Variants in SH3PXD2B observed in about 807,000 individuals in gnomAD.
SH3PXD2B encodes the protein SH3 and PX domain-containing protein 2B.
In SH3PXD2B, 37 loss-of-function variants were observed where a neutral mutation model predicts 73.1. That is an observed-to-expected ratio of 0.51 (90% CI 0.39 to 0.67). SH3PXD2B has a LOEUF of 0.67. Among genes scored for constraint, SH3PXD2B ranks in the 30% least tolerant of loss-of-function variants. The pLI is 0.00. For missense variants in SH3PXD2B, 1,053 were observed against 1,197.8 expected, an observed-to-expected ratio of 0.88 and a Z score of 1.78; for synonymous variants, 457 against 480.5, an observed-to-expected ratio of 0.95 and a Z score of 0.64.
At chr5:172,392,563 G>C (rs752547022) in intron 4 of SH3PXD2B, among the ~76,000 whole-genome samples, 1 of 151,842 alleles carries the variant, frequency 6.6e-6, no homozygotes, top group Non-Finnish European at 1.5e-5. Context: ...CTTGAGGTCA[G>C]GAGTCTGAGA....
At position 172,338,737 on chromosome 5, in the gene SH3PXD2B, C is replaced by A; in HGVS notation, c.2368G>T (p.Ala790Ser). ...GPQCEGHESR[A>S]APTPGRALLV... ...AGAGCACGGCCTGGGGTGGGAGCTG[C>A]CCTGCTTTCGTGGCCTTCACACTGT... The change falls in exon 13 of 13, where the codon GCA (alanine) becomes TCA (serine). Residue 790 changes from alanine to serine, a missense_variant. Around this residue, in one of 2 missense-constraint regions of SH3PXD2B, gnomAD observed 587 missense variants for 590.7 expected, o/e 0.99. Coordinates refer to ENST00000311601, the MANE Select transcript of SH3PXD2B (RefSeq NM_001017995.3). The surrounding 1 kb of genome is among the most constrained non-coding windows in gnomAD (Gnocchi z 5.1). The A allele has an allele frequency of 2.5e-6, 4 of 1,614,210 alleles. No individual in the cohort carries two copies. The highest frequency in any genetic ancestry group is 3.4e-6 in the Non-Finnish European group (4 of 1,180,046).
intron 12 of SH3PXD2B, among the ~76,000 whole-genome samples, chr5:172,344,441 A>G (rs1430994461): frequency 1.3e-5 from 2 of 152,020 alleles, no homozygotes; most frequent in Non-Finnish European, 2.9e-5. Flanking sequence ...TACAAAAATC[A>G]GCCGGGCGTC....
intron 10 of SH3PXD2B, 99 bp from the exon 11 acceptor site, chr5:172,347,431 C>G (rs1757022321): frequency 8.2e-7 from 1 of 1,216,314 alleles, no homozygotes; most frequent in African/African-American, 1.5e-5. Flanking sequence ...AGATTGAACA[C>G]AGGCGTCTGC....
intron 3 of SH3PXD2B, among the ~76,000 whole-genome samples, chr5:172,405,507 G>A (rs1758532699): frequency 6.6e-6 from 1 of 152,210 alleles, no homozygotes; most frequent in African/African-American, 2.4e-5. Flanking sequence ...TGTGATGAGG[G>A]ATGTGGGAAG....
At position 172,338,799 on chromosome 5, in the gene SH3PXD2B, G is replaced by T. The variant is rs1383409923; in HGVS notation, c.2306C>A (p.Ser769Tyr). ...CTCTGGGAGCGGCCTGGATGACGAA[G>T]AGGTTTTCTTTGGGGGAGGTGGTCT... ...PRRPPPPKKT[S>Y]SSSRPLPEVR... The change falls in exon 13 of 13, where the codon TCT (serine) becomes TAT (tyrosine). Residue 769 changes from serine (S) to tyrosine (Y), a missense_variant. By Grantham distance (144) the Ser-to-Tyr change is moderately radical (BLOSUM62 -2). Around this residue, in one of 2 missense-constraint regions of SH3PXD2B, gnomAD observed 587 missense variants for 590.7 expected, o/e 0.99. Coordinates refer to ENST00000311601, the MANE Select transcript of SH3PXD2B (RefSeq NM_001017995.3). The surrounding 1 kb of genome is among the most constrained non-coding windows in gnomAD (Gnocchi z 5.1). The T allele has an allele frequency of 1.2e-6, 2 of 1,614,098 alleles. No homozygotes were observed. The highest frequency in any genetic ancestry group is 2.7e-5 in the African/African-American group (2 of 74,948).
intron 1 of SH3PXD2B, among the ~76,000 whole-genome samples, chr5:172,431,158 C>T (rs970348213): frequency 1.8e-4 from 27 of 152,230 alleles, no homozygotes; most frequent in African/African-American, 6.5e-4. Context: ...TGAGCCACCG[C>T]GCCCAGGCTG....
intron 12 of SH3PXD2B, among the ~76,000 whole-genome samples, chr5:172,342,882 A>G (rs1425997127): frequency 6.6e-6 from 1 of 152,188 alleles, no homozygotes; most frequent in Non-Finnish European, 1.5e-5. Flanking sequence ...CCACAGACTC[A>G]GCGCCAGGAC....
At chr5:172,395,814 C>T (rs928346113) in intron 3 of SH3PXD2B, among the ~76,000 whole-genome samples, 4 of 151,932 alleles carry the variant, frequency 2.6e-5, no homozygotes, top group Admixed American at 1.3e-4. Context: ...GCAGAGCAAC[C>T]GGGGGTATCT....
chr5:172,439,836 CCGA>C (rs10585130), intron 1 of SH3PXD2B, among the ~76,000 whole-genome samples: 74,923 of 151,352 alleles, frequency 0.5, 19,051 homozygotes, highest in African/African-American at 0.61. Flanking sequence ...TCCACTCTTG[CCGA>C]CGACTGAGAC....
intron 1 of SH3PXD2B, among the ~76,000 whole-genome samples, chr5:172,452,627 A>G (rs948613830): frequency 6.6e-6 from 1 of 151,956 alleles, no homozygotes; most frequent in East Asian, 1.9e-4. Context: ...AGGCCAGAAG[A>G]GGGCGCGTGG....
chr5:172,424,465 GT>G (rs1315176939), intron 1 of SH3PXD2B, among the ~76,000 whole-genome samples: 1 of 152,202 alleles, frequency 6.6e-6, no homozygotes, highest in Admixed American at 6.5e-5. Context: ...TTTCAAATGA[GT>G]TCTTAGGAGA....
At chr5:172,437,406 C>T (rs1411215767) in intron 1 of SH3PXD2B, among the ~76,000 whole-genome samples, 1 of 152,208 alleles carries the variant, frequency 6.6e-6, no homozygotes, top group Non-Finnish European at 1.5e-5. Context: ...GGCAGCATCA[C>T]CACCAGAAGT....
At chr5:172,423,794 T>C (rs1759031803) in intron 1 of SH3PXD2B, among the ~76,000 whole-genome samples, 2 of 152,242 alleles carry the variant, frequency 1.3e-5, no homozygotes, top group South Asian at 2.1e-4. Flanking sequence ...AGGCGAGCGC[T>C]ACCGTGCCCG....
chr5:172,361,532 C>T (rs2731708), intron 7 of SH3PXD2B, among the ~76,000 whole-genome samples: 58,722 of 151,974 alleles, frequency 0.39, 11,760 homozygotes, highest in East Asian at 0.65. Context: ...TGACTTCCTG[C>T]AAGCTGGGGG....
intron 2 of SH3PXD2B, among the ~76,000 whole-genome samples, chr5:172,415,427 G>A (rs561805010): frequency 7.9e-5 from 12 of 152,270 alleles, no homozygotes; most frequent in South Asian, 2.1e-4. Context: ...AGGCAATCCC[G>A]GGGCCCAAGG....
At position 172,346,269 on chromosome 5, in the gene SH3PXD2B, GATC is replaced by G; in HGVS notation, c.1063-11_1063-9del. 1 of 1,613,504 alleles carries G rather than the reference GATC, an allele frequency of 6.2e-7. No homozygotes were observed. The highest frequency in any genetic ancestry group is 8.5e-7 in the Non-Finnish European group (1 of 1,179,914). On this transcript the variant is annotated splice_polypyrimidine_tract_variant and intron_variant, in intron 11 of 12. Transcript: ENST00000311601. ...CAGGTTGAGGCCTCGAGGCTGGTACGATCACACACAGGGTTATCTCCAAGGCTA... is the reference window on the plus strand; with the variant it reads ...CAGGTTGAGGCCTCGAGGCTGGTACGACACACAGGGTTATCTCCAAGGCTA...
At chr5:172,355,191 A>G (rs558859617) in intron 8 of SH3PXD2B, among the ~76,000 whole-genome samples, 4 of 152,342 alleles carry the variant, frequency 2.6e-5, no homozygotes, top group East Asian at 3.9e-4. Context: ...GGAAAATACC[A>G]CATGCCGTCC....
chr5:172,332,146 G>C (rs12656204), downstream of SH3PXD2B, among the ~76,000 whole-genome samples: 78,812 of 151,828 alleles, frequency 0.52, 20,885 homozygotes, highest in South Asian at 0.73. Context: ...GCCCCAGCCG[G>C]AAAGCCCATA....
chr5:172,355,583 C>T (rs561013642), intron 8 of SH3PXD2B, among the ~76,000 whole-genome samples: 202 of 150,862 alleles, frequency 1.3e-3, no homozygotes, highest in African/African-American at 4.7e-3. Flanking sequence ...CTCGCTCTGT[C>T]GCCCAGGCTG....
Sources: allele counts gnomAD v4.1 joint callset (sites outside exome capture counted in the v4.1 genomes callset), GRCh38; gene constraint gnomAD v4.1.1; regional missense constraint gnomAD v4.1.1; non-coding constraint Gnocchi (gnomAD v3.1); transcripts MANE v1.5; gene names NCBI Gene and HGNC (gene_info 2026-07-23, HGNC 2026-07-21).